Variants in ENPP1 observed in about 807,000 individuals in gnomAD.
ENPP1 encodes ectonucleotide pyrophosphatase/phosphodiesterase family member 1.
ENPP1 carries 73 observed loss-of-function variants against 122.8 expected under a neutral mutation model. The ratio of observed to expected loss-of-function variants is 0.59; its 90% CI spans 0.49 to 0.72. The LOEUF (loss-of-function observed/expected upper bound fraction) is 0.72. Ranked by LOEUF, ENPP1 falls within the 30% of genes least tolerant of loss-of-function variation. The probability of loss-of-function intolerance (pLI) is 0.00; values close to 1 mark genes in which losing one functional copy is unlikely to be tolerated. For synonymous variants in ENPP1, 367 were observed against 391.6 expected, an observed-to-expected ratio of 0.94 and a Z score of 0.74; for missense variants, 978 against 1,128.1, an observed-to-expected ratio of 0.87 and a Z score of 1.91.
chr6:131,873,049 T>C lies in ENPP1; in HGVS notation c.1564T>C (p.Leu522=), dbSNP rs907688104. The C allele has an allele frequency of 9.3e-6, 15 of 1,613,534 alleles. No individual in the cohort carries two copies. Among genetic ancestry groups the C allele is most frequent in the African/African-American group, 4.0e-5 (3 of 74,906 alleles). Residue 522 remains leucine, a splice_region_variant and synonymous_variant, in exon 15 of 25, where the codon TTG becomes CTG. Transcript: ENST00000647893. ...TTTGGACCCTCAGTGGCAACTTGCA[T>C]TGTAAGTTCTGACAGTCTCCCAGGT... ...FYLDPQWQLA[L]NPSERKYCGS... is the part of the protein sequence containing the mutation.
chr6:131,877,312 C>T (rs1782243104), intron 18 of ENPP1, 151 bp downstream of exon 18: 1 of 749,524 alleles, frequency 1.3e-6, no homozygotes, highest in Non-Finnish European at 2.3e-6. Flanking sequence ...GCATGTAGAT[C>T]TTTTGTGATA....
Position 131,879,822 on chromosome 6 carries a change from A to C in ENPP1, c.1946-58A>C, listed in dbSNP as rs1782277965. On this transcript the variant is annotated intron_variant, in intron 19 of 24. Transcript: ENST00000647893. ...GGAAAGGATTAGATGAGTGTATCAC[A>C]CTATATATTATCATATAATGCACAC... The C allele has an allele frequency of 2.8e-6, 4 of 1,447,402 alleles. No individual in the cohort carries two copies. In the East Asian group the frequency reaches 9.1e-5, roughly 33 times the overall value. 89.7% of individuals were successfully genotyped at this position (1,447,402 alleles called of 1,614,324 possible).
chr6:131,852,341 A>G (rs1223553553), intron 5 of ENPP1, 106 bp downstream of exon 5: 6 of 746,098 alleles, frequency 8.0e-6, no homozygotes, highest in Non-Finnish European at 1.1e-5. Flanking sequence ...CTGGTTTATT[A>G]AACATTACAG....
intron 1 of ENPP1, among the ~76,000 whole-genome samples, chr6:131,838,414 G>T (rs1025314018): frequency 6.6e-6 from 1 of 152,094 alleles, no homozygotes; most frequent in Non-Finnish European, 1.5e-5. Context: ...ATGTACTTTA[G>T]GCTGATGATT....
chr6:131,872,030 A>G (rs764949668), intron 13 of ENPP1, 40 bp from the exon 14 acceptor site: 1 of 1,411,916 alleles, frequency 7.1e-7, no homozygotes, highest in African/African-American at 1.4e-5. Flanking sequence ...TAATTATAGT[A>G]TACAATCAAC....
chr6:131,812,675 G>A (rs923634180), intron 1 of ENPP1, among the ~76,000 whole-genome samples: 2 of 152,206 alleles, frequency 1.3e-5, no homozygotes, highest in Non-Finnish European at 2.9e-5. Context: ...AAGGAGTCCT[G>A]AGAATGTGCA....
chr6:131,822,736 A>G (rs900851972), intron 1 of ENPP1, among the ~76,000 whole-genome samples: 1 of 152,140 alleles, frequency 6.6e-6, no homozygotes, highest in Non-Finnish European at 1.5e-5. Flanking sequence ...AGTATCCTCA[A>G]TTCAGTAGGT....
At chr6:131,818,061 C>A (rs1205892635) in intron 1 of ENPP1, among the ~76,000 whole-genome samples, 1 of 151,992 alleles carries the variant, frequency 6.6e-6, no homozygotes, top group East Asian at 1.9e-4. Flanking sequence ...GTTTCCCGAT[C>A]CCCCTCCTGC....
chr6:131,887,597 C>T (rs1022571190), intron 24 of ENPP1, among the ~76,000 whole-genome samples: 1 of 141,386 alleles, frequency 7.1e-6, no homozygotes, highest in Non-Finnish European at 1.5e-5. Flanking sequence ...CTCACTTTGG[C>T]TTCCAGGCTG....
intron 6 of ENPP1, among the ~76,000 whole-genome samples, 176 bp downstream of exon 6, chr6:131,855,199 G>A (rs1044333603): frequency 6.6e-6 from 1 of 152,094 alleles, no homozygotes; most frequent in Non-Finnish European, 1.5e-5. Context: ...TTACTCTGAA[G>A]CTGCCCTTCA....
chr6:131,875,626 A>G (rs771045675), intron 16 of ENPP1, 150 bp from the exon 17 acceptor site: 4 of 682,072 alleles, frequency 5.9e-6, no homozygotes, highest in East Asian at 2.7e-5. Flanking sequence ...GGTTAAAACT[A>G]TATTTCCCAC....
intron 21 of ENPP1, among the ~76,000 whole-genome samples, chr6:131,883,473 C>T (rs898399716): frequency 3.3e-5 from 5 of 152,250 alleles, no homozygotes; most frequent in East Asian, 3.9e-4. Flanking sequence ...GTTTATGTTT[C>T]GTTGACATGC....
rs374379771 is a variant in ENPP1 at position 131,850,035 on chromosome 6, G to C, written c.359G>C (p.Cys120Ser). 1.2e-6 allele frequency: 2 copies of C among 1,613,958 alleles called. No individual in the cohort carries two copies. Among genetic ancestry groups the C allele is most frequent in the African/African-American group, 2.7e-5 (2 of 74,922 alleles). ...TGTTTCGAGAGAACATTTGGGAACT[G>C]TCGCTGTGATGCTGCCTGTGTTGAG... is the stretch of plus-strand genomic sequence containing the variant. ...GRCFERTFGN[C>S]RCDAACVELG... Residue 120 changes from cysteine to serine, a missense_variant, in exon 3 of 25, where the codon TGT becomes TCT. Cys to Ser is a moderately radical substitution (Grantham distance 112). Around this residue, in one of 3 missense-constraint regions of ENPP1, gnomAD observed 330 missense variants for 328.5 expected, o/e 1.00. Transcript: ENST00000647893.
At chr6:131,812,483 C>T (rs183693548) in intron 1 of ENPP1, among the ~76,000 whole-genome samples, 3 of 152,258 alleles carry the variant, frequency 2.0e-5, no homozygotes, top group East Asian at 3.9e-4. Context: ...TTTTTGTCTC[C>T]TAAGAGCTTG....
chr6:131,891,129 A>G lies in ENPP1; in HGVS notation c.*618A>G, dbSNP rs1332981584. 6.6e-6 allele frequency: 1 copy of G among 152,378 alleles called. No individual in the cohort carries two copies. Among genetic ancestry groups the G allele is most frequent in the Non-Finnish European group, 1.5e-5 (1 of 68,216 alleles). 9.4% of individuals were successfully genotyped at this position (152,378 alleles called of 1,614,324 possible). A position where few individuals can be genotyped will look rare whatever the true frequency, so the allele number is the denominator to read the frequency against. ...TTTTTGATTGGATTTCTTTAGATTT[A>G]ATGGTTCAAATGAGTTCAACTTTGA... On this transcript the variant is annotated 3_prime_UTR_variant, in exon 25 of 25. Transcript: ENST00000647893.
In ENPP1 at chr6:131,890,754, A is replaced by C; in HGVS notation, c.*243A>C. 1.9e-6 allele frequency: 1 copy of C among 516,788 alleles called. No homozygotes were observed. The highest frequency in any genetic ancestry group is 3.5e-6 in the Non-Finnish European group (1 of 287,756). 32.0% of individuals were successfully genotyped at this position (516,788 alleles called of 1,614,324 possible). ...TACATTGATCAAGTTCGGGGGAATA[A>C]AGACAGACCACACCTAAAACTGCCT... On this transcript the variant is annotated 3_prime_UTR_variant, in exon 25 of 25. Transcript: ENST00000647893.
At chr6:131,886,489 T>C in intron 23 of ENPP1, 73 bp from the exon 24 acceptor site, 1 of 1,112,358 alleles carries the variant, frequency 9.0e-7, no homozygotes, top group Admixed American at 2.0e-5. Flanking sequence ...ATTAAAAGCA[T>C]GCTCTACTGA....
chr6:131,831,534 C>T lies in ENPP1; in HGVS notation c.241-16242C>T, dbSNP rs191909134. Among the ~76,000 whole-genome samples, 723 of 152,228 alleles carry T rather than the reference C, an allele frequency of 4.7e-3. 23 individuals carry two copies. Among genetic ancestry groups the T allele is most frequent in the Admixed American group, 0.045 (681 of 15,292 alleles). On this transcript the variant is annotated intron_variant, in intron 1 of 24. Coordinates refer to ENST00000647893, the MANE Select transcript of ENPP1 (RefSeq NM_006208.3). ...TCAGGCCTCCTTAGGCTTTTCTTGG[C>T]GAAGCGTCTCAGACTTTCCTTGTTT...
At chr6:131,824,827 G>A (rs905585196) in intron 1 of ENPP1, among the ~76,000 whole-genome samples, 3 of 152,126 alleles carry the variant, frequency 2.0e-5, no homozygotes, top group African/African-American at 7.2e-5. Flanking sequence ...TTGGGAGGCT[G>A]AGGCCGGCAG....
Sources: allele counts gnomAD v4.1 joint callset (sites outside exome capture counted in the v4.1 genomes callset), GRCh38; gene constraint gnomAD v4.1.1; regional missense constraint gnomAD v4.1.1; transcripts MANE v1.5; gene names NCBI Gene and HGNC (gene_info 2026-07-23, HGNC 2026-07-21).